ARMC2: variants seen among roughly 807,000 people sequenced by gnomAD.
ARMC2 encodes the protein armadillo repeat-containing protein 2.
A neutral mutation model predicts 90.3 loss-of-function variants in ARMC2; 67 were observed. The observed-to-expected ratio is 0.74, with a 90% CI of 0.61 to 0.91. The LOEUF (loss-of-function observed/expected upper bound fraction) is 0.91. Ranked by LOEUF, ARMC2 falls within the 40% of genes least tolerant of loss-of-function variation. The pLI is 0.00. For synonymous variants in ARMC2, 393 were observed against 393.0 expected (o/e 1.00, Z 0.00); for missense variants, 920 against 1,030.9 (o/e 0.89, Z 1.47).
At chr6:108,855,767 G>A (rs184155370) in intron 2 of ARMC2, among the ~76,000 whole-genome samples, 1 of 152,332 alleles carries the variant, frequency 6.6e-6, no homozygotes, top group Non-Finnish European at 1.5e-5. Context: ...GAATAAGTGT[G>A]TAGTGGTATC....
intron 10 of ARMC2, among the ~76,000 whole-genome samples, chr6:108,914,951 T>A (rs536318117): frequency 2.4e-5 from 2 of 85,030 alleles, no homozygotes; most frequent in East Asian, 5.7e-4. Flanking sequence ...TCAGCAGGCA[T>A]TTTTTTTTTT....
intron 4 of ARMC2, among the ~76,000 whole-genome samples, chr6:108,870,860 A>G (rs889712064): frequency 5.9e-5 from 9 of 152,202 alleles, no homozygotes; most frequent in Non-Finnish European, 1.0e-4. Flanking sequence ...AGAGCTTACA[A>G]TCTAGTGAGA....
At chr6:109,018,705 G>C in the ARMC2 span, among the ~76,000 whole-genome samples, 1 of 151,850 alleles carries the variant, frequency 6.6e-6, no homozygotes, top group Non-Finnish European at 1.5e-5. Context: ...TCACTTTTTT[G>C]TTCAAGCTTC....
chr6:108,881,915 A>G (rs1037582877), intron 5 of ARMC2, among the ~76,000 whole-genome samples: 1 of 152,186 alleles, frequency 6.6e-6, no homozygotes, highest in Non-Finnish European at 1.5e-5. Context: ...CGCTCTCTCT[A>G]TGGATCCTTA....
chr6:108,990,033 G>A, the ARMC2 span, among the ~76,000 whole-genome samples: 49 of 152,208 alleles, frequency 3.2e-4, no homozygotes, highest in Non-Finnish European at 5.6e-4. Context: ...GTTTTGACCA[G>A]AGTCTCTGAT....
intron 12 of ARMC2, among the ~76,000 whole-genome samples, chr6:108,945,575 C>G (rs1776746381): frequency 6.6e-6 from 1 of 152,254 alleles, no homozygotes; most frequent in African/African-American, 2.4e-5. Context: ...ACCCTGGGAA[C>G]TGCCAGACTC....
chr6:108,927,988 C>G (rs1374529235), intron 10 of ARMC2, 100 bp from the exon 11 acceptor site: 1 of 1,229,882 alleles, frequency 8.1e-7, no homozygotes, highest in African/African-American at 1.5e-5. Flanking sequence ...TGCTTAGCTA[C>G]TGATATAAGG....
chr6:108,992,898 A>G, the ARMC2 span: 1 of 1,599,596 alleles, frequency 6.3e-7, no homozygotes, highest in African/African-American at 1.3e-5. Flanking sequence ...CTTCTTCATC[A>G]TCTGGGAAAA....
the ARMC2 span, among the ~76,000 whole-genome samples, chr6:108,989,462 GATATAGAA>G: frequency 1.4e-5 from 2 of 144,482 alleles, no homozygotes; most frequent in Non-Finnish European, 3.1e-5. Context: ...TATATCTAGA[GATATAGAA>G]ATATCTGTAT....
intron 10 of ARMC2, among the ~76,000 whole-genome samples, chr6:108,926,579 GC>G (rs1276336171): frequency 6.6e-6 from 1 of 152,174 alleles, no homozygotes; most frequent in African/African-American, 2.4e-5. Context: ...ACAAAAATTA[GC>G]CAGACATGGT....
chr6:109,040,497 C>T, the ARMC2 span, among the ~76,000 whole-genome samples: 2 of 152,136 alleles, frequency 1.3e-5, no homozygotes, highest in African/African-American at 4.8e-5. Flanking sequence ...TCCTTGTGTA[C>T]ATACTTGTCC....
chr6:108,896,212 A>G (rs1443707510), intron 6 of ARMC2, among the ~76,000 whole-genome samples: 1 of 152,194 alleles, frequency 6.6e-6, no homozygotes, highest in Non-Finnish European at 1.5e-5. Context: ...TTTTGTGTCC[A>G]GAACTCAAAG....
At chr6:109,044,848 A>T in the ARMC2 span, among the ~76,000 whole-genome samples, 1 of 152,060 alleles carries the variant, frequency 6.6e-6, no homozygotes, top group Admixed American at 6.6e-5. Flanking sequence ...ACATGAAGAA[A>T]CCCCATCTCT....
At chr6:109,052,820 TC>T in the ARMC2 span, among the ~76,000 whole-genome samples, 1 of 152,200 alleles carries the variant, frequency 6.6e-6, no homozygotes, top group South Asian at 2.1e-4. Context: ...CATTCATTTG[TC>T]CCTACACTCG....
chr6:108,910,954 G>C lies in ARMC2; in HGVS notation c.1079G>C (p.Ser360Thr), dbSNP rs1376103738. The C allele has an allele frequency of 6.3e-7, 1 of 1,584,808 alleles. No homozygotes were observed. Among genetic ancestry groups the C allele is most frequent in the Non-Finnish European group, 8.6e-7 (1 of 1,165,638 alleles). The change falls in exon 9 of 18, where the codon AGC becomes ACC. Residue 360 changes from serine (S) to threonine (T), a missense_variant. Transcript: ENST00000392644. ...GTCTGCAAACTTATATTTAAAATTA[G>C]CAGGAATGAGAAGAATGATTCTTTG... ...LNVCKLIFKISRNEKNDSLIQ... is the reference protein window; with the variant it reads ...LNVCKLIFKITRNEKNDSLIQ...
downstream of ARMC2, among the ~76,000 whole-genome samples, chr6:108,975,237 T>G (rs183767274): frequency 1.3e-5 from 2 of 152,106 alleles, no homozygotes; most frequent in Non-Finnish European, 2.9e-5. Flanking sequence ...CTCCCACTTA[T>G]GAATGAGAAC....
chr6:108,929,875 A>C (rs1775386507), intron 11 of ARMC2, among the ~76,000 whole-genome samples: 1 of 152,142 alleles, frequency 6.6e-6, no homozygotes, highest in Non-Finnish European at 1.5e-5. Context: ...TGGGAGGCCA[A>C]GGTGGGTGGA....
the ARMC2 span, among the ~76,000 whole-genome samples, chr6:109,033,276 A>C: frequency 6.6e-6 from 1 of 152,192 alleles, no homozygotes; most frequent in Admixed American, 6.5e-5. Context: ...GTGGAAATGA[A>C]ATGAAGTAAA....
chr6:108,987,559 G>T, the ARMC2 span: 1 of 1,592,826 alleles, frequency 6.3e-7, no homozygotes, highest in African/African-American at 1.3e-5. Context: ...TCATATAGCG[G>T]GTAATGGCTC....
Sources: allele counts gnomAD v4.1 joint callset (sites outside exome capture counted in the v4.1 genomes callset), GRCh38; gene constraint gnomAD v4.1.1; transcripts MANE v1.5; gene names NCBI Gene and HGNC (gene_info 2026-07-23, HGNC 2026-07-21).